SEMA3E: variants seen among roughly 807,000 people sequenced by gnomAD.
SEMA3E encodes semaphorin-3E.
SEMA3E carries 49 observed loss-of-function variants against 93.6 expected under a neutral mutation model. The observed-to-expected ratio is 0.52, with a 90% confidence interval of 0.42 to 0.66. SEMA3E has a LOEUF of 0.66. SEMA3E is among the 30% of genes least tolerant of loss of function. The probability of loss-of-function intolerance (pLI) is 0.00; values close to 1 mark genes in which losing one functional copy is unlikely to be tolerated. For synonymous variants in SEMA3E, 363 were observed against 330.7 expected, an observed-to-expected ratio of 1.10 and a Z score of -1.06; for missense variants, 906 against 964.8, an observed-to-expected ratio of 0.94 and a Z score of 0.81.
At chr7:83,645,386 C>A (rs1380460018) in intron 1 of SEMA3E, among the ~76,000 whole-genome samples, 1 of 151,994 alleles carries the variant, frequency 6.6e-6, no homozygotes, top group African/African-American at 2.4e-5. Context: ...CCTGATACAG[C>A]CAAACTCAAC....
rs1278239853 is a variant in SEMA3E at position 83,366,512 on chromosome 7, C to T, written c.*1074G>A. On this transcript the variant is annotated 3_prime_UTR_variant, in exon 17 of 17. Transcript: ENST00000643230. ...TAATATTTTTTTCACAAATAAAACA[C>T]GGTTGTTATAGTATATTTTAGATTT... 4.0e-5 allele frequency: 6 copies of T among 151,830 alleles called. No homozygotes were observed. The highest frequency in any genetic ancestry group is 7.2e-5 in the African/African-American group (3 of 41,394). 9.4% of individuals were successfully genotyped at this position (151,830 alleles called of 1,614,324 possible).
chr7:83,464,558 C>T (rs866586976), intron 4 of SEMA3E, among the ~76,000 whole-genome samples: 42 of 139,964 alleles, frequency 3.0e-4, no homozygotes, highest in Middle Eastern at 3.5e-3. Flanking sequence ...TCTTTGCTGG[C>T]AGGACTATGC....
In SEMA3E at chr7:83,642,999, A is replaced by G. The variant is rs571661894; in HGVS notation, c.115+5429T>C. On this transcript the variant is annotated intron_variant, in intron 1 of 16. Transcript: ENST00000643230. Reference sequence around the variant, plus strand: ...TTTATATACAAAGATAAAGAAATACATCTTTGCACACACTCCCACTAAGAA... The same window carrying G: ...TTTATATACAAAGATAAAGAAATACGTCTTTGCACACACTCCCACTAAGAA... Among the ~76,000 whole-genome samples the G allele has an allele frequency of 2.6e-5, 4 of 152,220 alleles. No homozygotes were observed. The South Asian group carries it at 8.3e-4, about 32-fold the overall frequency.
rs765750791 is a variant in SEMA3E, at chr7:83,469,302, T to C, written c.277A>G (p.Ile93Val). The C allele has an allele frequency of 6.2e-7, 1 of 1,605,862 alleles. No homozygotes were observed. ...LERISDGYKE[I>V]HWPSTALKME... ...TTTAGAGCTGTACTCGGCCAGTGTATCTAAAATAAAAGATAATGTACTATT... is the reference window on the plus strand; with the variant it reads ...TTTAGAGCTGTACTCGGCCAGTGTACCTAAAATAAAAGATAATGTACTATT... The change falls in exon 3 of 17, where the codon ATA (isoleucine) becomes GTA (valine). Residue 93 changes from isoleucine to valine, a missense_variant and splice_region_variant. By Grantham distance (29) the Ile-to-Val change is conservative (BLOSUM62 3). Transcript: ENST00000643230.
At chr7:83,372,814 G>T (rs1204068238) in intron 16 of SEMA3E, 3 of 152,082 alleles carry the variant, frequency 2.0e-5, no homozygotes, top group African/African-American at 2.4e-5. Flanking sequence ...AAATCACCTA[G>T]AAAGTTAGAG....
intron 4 of SEMA3E, among the ~76,000 whole-genome samples, chr7:83,441,798 A>G (rs549154209): frequency 1.3e-5 from 2 of 152,306 alleles, no homozygotes; most frequent in East Asian, 3.9e-4. Context: ...TACAATTAAT[A>G]TCACCACTGT....
chr7:83,522,008 T>C (rs954272168), intron 1 of SEMA3E, among the ~76,000 whole-genome samples: 5 of 152,172 alleles, frequency 3.3e-5, no homozygotes, highest in Admixed American at 2.6e-4. Flanking sequence ...AGATATGTTC[T>C]ATTATAGAGA....
chr7:83,623,881 C>A (rs1793615921), intron 1 of SEMA3E, among the ~76,000 whole-genome samples: 1 of 151,964 alleles, frequency 6.6e-6, no homozygotes, highest in African/African-American at 2.4e-5. Context: ...CCCTTGCCCC[C>A]CACCCCCAAC....
intron 10 of SEMA3E, among the ~76,000 whole-genome samples, chr7:83,401,575 A>C (rs1481124043): frequency 6.6e-6 from 1 of 152,078 alleles, no homozygotes; most frequent in East Asian, 1.9e-4. Context: ...TCTCCATTTA[A>C]AATTGTAATT....
intron 1 of SEMA3E, among the ~76,000 whole-genome samples, chr7:83,526,975 A>C (rs1015014742): frequency 6.8e-6 from 1 of 147,936 alleles, no homozygotes; most frequent in African/African-American, 2.6e-5. Flanking sequence ...TGCGAGTGTG[A>C]CCTTCTTTGC....
intron 1 of SEMA3E, among the ~76,000 whole-genome samples, chr7:83,520,151 G>T (rs1005113057): frequency 6.6e-6 from 1 of 152,106 alleles, no homozygotes; most frequent in African/African-American, 2.4e-5. Context: ...ACTTTAAAAC[G>T]ATTCTGCACC....
At chr7:83,419,672 T>C (rs1259371302) in intron 4 of SEMA3E, among the ~76,000 whole-genome samples, 1 of 152,220 alleles carries the variant, frequency 6.6e-6, no homozygotes, top group Non-Finnish European at 1.5e-5. Flanking sequence ...TTCATTTCTA[T>C]GATGATTAGT....
chr7:83,605,066 CT>C (rs1385746638), intron 1 of SEMA3E, among the ~76,000 whole-genome samples: 1 of 151,974 alleles, frequency 6.6e-6, no homozygotes, highest in Non-Finnish European at 1.5e-5. Context: ...TGTCTTTGCT[CT>C]TGTAAATACT....
At chr7:83,466,765 A>C (rs1315465892) in intron 3 of SEMA3E, among the ~76,000 whole-genome samples, 164 bp from the exon 4 acceptor site, 1 of 152,200 alleles carries the variant, frequency 6.6e-6, no homozygotes, top group Non-Finnish European at 1.5e-5. Context: ...GAACTTGGAG[A>C]AGAAACTGGG....
intron 7 of SEMA3E, among the ~76,000 whole-genome samples, chr7:83,406,822 G>T (rs1788338957): frequency 6.6e-6 from 1 of 152,012 alleles, no homozygotes; most frequent in Non-Finnish European, 1.5e-5. Context: ...GAAAAATAAA[G>T]TTCAAATTTC....
intron 16 of SEMA3E, among the ~76,000 whole-genome samples, chr7:83,369,122 G>T (rs935063552): frequency 9.2e-5 from 14 of 152,126 alleles, no homozygotes; most frequent in Non-Finnish European, 1.8e-4. Context: ...TTACGATAAT[G>T]GTATAAAGGT....
chr7:83,390,677 C>T (rs1787999913), intron 14 of SEMA3E, among the ~76,000 whole-genome samples: 1 of 152,060 alleles, frequency 6.6e-6, no homozygotes, highest in Admixed American at 6.6e-5. Context: ...AGTTATCTTC[C>T]AGGGGTAGTG....
chr7:83,495,059 T>C lies in SEMA3E; in HGVS notation c.116-4785A>G, dbSNP rs576191642. On this transcript the variant is annotated intron_variant, in intron 1 of 16. Transcript: ENST00000643230. ...AACTTAGCCAGTCTGTCTTTATCCATGAACAAATTTATAATACCATAAATT... is the reference window on the plus strand; with the variant it reads ...AACTTAGCCAGTCTGTCTTTATCCACGAACAAATTTATAATACCATAAATT... 5.1e-4 allele frequency among the ~76,000 whole-genome samples: 78 copies of C among 152,050 alleles called. 1 individual carries two copies. Among genetic ancestry groups the C allele is most frequent in the Non-Finnish European group, 1.0e-3 (71 of 67,864 alleles).
intron 5 of SEMA3E, among the ~76,000 whole-genome samples, chr7:83,412,584 A>AAATAAT (rs1307439393): frequency 6.6e-6 from 1 of 151,698 alleles, no homozygotes; most frequent in South Asian, 2.1e-4. Flanking sequence ...CCATCTCTAC[A>AAATAAT]AATAATAATA....
Sources: allele counts gnomAD v4.1 joint callset (sites outside exome capture counted in the v4.1 genomes callset), GRCh38; gene constraint gnomAD v4.1.1; transcripts MANE v1.5; gene names NCBI Gene and HGNC (gene_info 2026-07-23, HGNC 2026-07-21).